The following SLC24A2 variants were observed in gnomAD, a reference collection of about 807,000 sequenced individuals.
SLC24A2 encodes the protein solute carrier family 24 member 2.
In SLC24A2, 36 loss-of-function variants were observed where a neutral mutation model predicts 62.0. That is an observed-to-expected ratio of 0.58 (90% CI 0.44 to 0.77). The LOEUF (loss-of-function observed/expected upper bound fraction) is 0.77, where lower values mean the gene tolerates loss of function less well. Among genes scored for constraint, SLC24A2 ranks in the 30% least tolerant of loss-of-function variants. SLC24A2 has a pLI of 0.00. For missense variants in SLC24A2, 846 were observed against 817.9 expected (o/e 1.03, Z -0.42); for synonymous variants, 358 against 294.0 (o/e 1.22, Z -2.23).
rs1310520371 is a variant in SLC24A2 at position 19,509,210 on chromosome 9, A to G, written c.*6943T>C. On this transcript the variant is annotated 3_prime_UTR_variant, in exon 11 of 11. Transcript: ENST00000341998. Reference sequence around the variant, plus strand: ...GAAAAAAATCTACAATTTTAAAATAATTTCCATGTAGTATTAGAACTTGCT... The same window carrying G: ...GAAAAAAATCTACAATTTTAAAATAGTTTCCATGTAGTATTAGAACTTGCT... The G allele has an allele frequency of 2.0e-5, 3 of 152,212 alleles. No individual in the cohort carries two copies. Among genetic ancestry groups the G allele is most frequent in the Non-Finnish European group, 4.4e-5 (3 of 68,026 alleles). The allele number at this position is 152,212 out of a possible 1,614,324, so 9.4% of individuals were successfully genotyped here. A position where few individuals can be genotyped will look rare whatever the true frequency, so the allele number is the denominator to read the frequency against.
chr9:19,971,541 C>T, the SLC24A2 span, among the ~76,000 whole-genome samples: 1 of 152,126 alleles, frequency 6.6e-6, no homozygotes, highest in Non-Finnish European at 1.5e-5. Context: ...TTCCTGGTAC[C>T]AACCACTCAG....
the SLC24A2 span, among the ~76,000 whole-genome samples, chr9:20,066,652 G>T: frequency 6.6e-6 from 1 of 152,152 alleles, no homozygotes; most frequent in African/African-American, 2.4e-5. Flanking sequence ...TGGAACATGG[G>T]TATTAATTAA....
chr9:19,711,116 G>A (rs1040952947), intron 2 of SLC24A2, among the ~76,000 whole-genome samples: 3 of 152,114 alleles, frequency 2.0e-5, no homozygotes, highest in Non-Finnish European at 2.9e-5. Context: ...AATTCTTGAG[G>A]GTCACTGCAT....
the SLC24A2 span, among the ~76,000 whole-genome samples, chr9:20,092,007 C>T: frequency 6.6e-6 from 1 of 152,148 alleles, no homozygotes; most frequent in South Asian, 2.1e-4. Flanking sequence ...AACCGAATAC[C>T]ACCTGTTCTC....
At chr9:20,033,677 T>C in the SLC24A2 span, among the ~76,000 whole-genome samples, 2 of 152,182 alleles carry the variant, frequency 1.3e-5, no homozygotes, top group Non-Finnish European at 2.9e-5. Context: ...CTCCCACCAG[T>C]GCCCTGACGG....
At chr9:20,232,227 T>A in the SLC24A2 span, among the ~76,000 whole-genome samples, 1 of 152,240 alleles carries the variant, frequency 6.6e-6, no homozygotes, top group Non-Finnish European at 1.5e-5. Flanking sequence ...CAGGCTTTGG[T>A]ATCAGGATGA....
chr9:19,974,147 T>C, the SLC24A2 span, among the ~76,000 whole-genome samples: 1 of 152,180 alleles, frequency 6.6e-6, no homozygotes, highest in Non-Finnish European at 1.5e-5. Context: ...ACTTTACTTA[T>C]AGGTGCTATA....
chr9:19,677,108 T>A (rs1313599039), intron 2 of SLC24A2, among the ~76,000 whole-genome samples: 1 of 152,234 alleles, frequency 6.6e-6, no homozygotes, highest in Admixed American at 6.5e-5. Flanking sequence ...ATAAATCTTC[T>A]ATTCTAAAGA....
chr9:19,874,938 T>G, the SLC24A2 span, among the ~76,000 whole-genome samples: 1 of 148,856 alleles, frequency 6.7e-6, no homozygotes, highest in Non-Finnish European at 1.5e-5. Context: ...ACTTCTAGCT[T>G]CAGAGAGTTA....
the SLC24A2 span, among the ~76,000 whole-genome samples, chr9:20,180,036 G>A: frequency 6.6e-6 from 1 of 152,172 alleles, no homozygotes; most frequent in African/African-American, 2.4e-5. Flanking sequence ...GAGGACATCA[G>A]TAAAGATTTT....
chr9:19,762,473 G>A (rs899520766), intron 2 of SLC24A2, among the ~76,000 whole-genome samples: 4 of 152,084 alleles, frequency 2.6e-5, no homozygotes, highest in African/African-American at 9.7e-5. Context: ...TCCATCTTGA[G>A]TTAATTTTTG....
intron 2 of SLC24A2, among the ~76,000 whole-genome samples, chr9:19,677,621 A>G (rs1819598145): frequency 6.6e-6 from 1 of 152,188 alleles, no homozygotes; most frequent in East Asian, 1.9e-4. Context: ...ATTAAACTGA[A>G]TAAAACCTTC....
chr9:19,910,453 A>G, the SLC24A2 span, among the ~76,000 whole-genome samples: 1 of 152,124 alleles, frequency 6.6e-6, no homozygotes, highest in Non-Finnish European at 1.5e-5. Context: ...CTGAGGCTAT[A>G]GAGTTCACCC....
chr9:19,920,808 G>A, the SLC24A2 span, among the ~76,000 whole-genome samples: 1 of 152,176 alleles, frequency 6.6e-6, no homozygotes, highest in Non-Finnish European at 1.5e-5. Context: ...TACATGACGT[G>A]TATCGATCGG....
intron 9 of SLC24A2, 71 bp from the exon 10 acceptor site, chr9:19,521,131 A>C (rs949076693): frequency 1.2e-5 from 16 of 1,388,012 alleles, no homozygotes; most frequent in Admixed American, 1.8e-5. Context: ...CAAAAATTTC[A>C]ATGCGACCTC....
chr9:19,952,548 G>A, the SLC24A2 span, among the ~76,000 whole-genome samples: 1 of 151,664 alleles, frequency 6.6e-6, no homozygotes, highest in Non-Finnish European at 1.5e-5. Context: ...ATATAACTTT[G>A]CCTAATGGCT....
chr9:20,231,626 G>T, the SLC24A2 span, among the ~76,000 whole-genome samples: 1 of 152,212 alleles, frequency 6.6e-6, no homozygotes, highest in South Asian at 2.1e-4. Context: ...AGCTTGAGGA[G>T]ATTTTGGACT....
At chr9:19,947,795 AAAAAAAAAAAAAAAAAGAAAGAAAGAAAG>A in the SLC24A2 span, among the ~76,000 whole-genome samples, 1 of 96,412 alleles carries the variant, frequency 1.0e-5, no homozygotes, top group African/African-American at 3.7e-5. Context: ...TGTCTCAAAA[AAAAAAAAAAAAAAAAAGAAAGAAAGAAAG>A]AAAGAAAGAA....
chr9:19,835,092 G>C, the SLC24A2 span, among the ~76,000 whole-genome samples: 1 of 152,110 alleles, frequency 6.6e-6, no homozygotes, highest in Non-Finnish European at 1.5e-5. Context: ...ACATGGAAAG[G>C]AACAACCAGT....
Sources: gnomAD v4.1 joint callset for allele counts (sites outside exome capture counted in the v4.1 genomes callset) on GRCh38, gnomAD v4.1.1 for gene constraint, MANE v1.5 for transcripts, NCBI Gene and HGNC (gene_info 2026-07-23, HGNC 2026-07-21) for gene names.